Variants in BICC1 observed in about 807,000 individuals in gnomAD.
BICC1 encodes the protein BicC family RNA binding protein 1, also known as protein bicaudal C homolog 1.
A neutral mutation model predicts 111.0 loss-of-function variants in BICC1; 43 were observed. The ratio of observed to expected loss-of-function variants is 0.39; its 90% CI spans 0.30 to 0.50. BICC1 has a LOEUF of 0.50. BICC1 is among the 20% of genes least tolerant of loss of function. BICC1 has a pLI of 0.88. For synonymous variants in BICC1, 467 were observed against 434.4 expected, an observed-to-expected ratio of 1.07 and a Z score of -0.93; for missense variants, 1,091 against 1,203.2, an observed-to-expected ratio of 0.91 and a Z score of 1.38.
intron 4 of BICC1, among the ~76,000 whole-genome samples, chr10:58,785,465 A>G (rs1166043013): frequency 6.6e-6 from 1 of 152,128 alleles, no homozygotes; most frequent in Non-Finnish European, 1.5e-5. Flanking sequence ...TTATGATGTC[A>G]GTAGAATACC....
chr10:58,805,283 A>C (rs1843675111), intron 15 of BICC1, among the ~76,000 whole-genome samples: 1 of 150,890 alleles, frequency 6.6e-6, no homozygotes, highest in African/African-American at 2.4e-5. Context: ...ACAGAGCGAG[A>C]CTCTGTCTAA....
chr10:58,710,165 G>A (rs910198548), intron 3 of BICC1, among the ~76,000 whole-genome samples: 23 of 152,118 alleles, frequency 1.5e-4, no homozygotes, highest in African/African-American at 4.6e-4. Context: ...TTTCATTTTC[G>A]GATGAAGAAA....
intron 1 of BICC1, 90 bp downstream of exon 1, chr10:58,513,423 C>T: frequency 7.8e-7 from 1 of 1,276,418 alleles, no homozygotes; most frequent in South Asian, 1.6e-5. Flanking sequence ...CCCGCTACTC[C>T]AGCCTACGGC....
intron 1 of BICC1, among the ~76,000 whole-genome samples, chr10:58,572,620 A>T (rs1392699780): frequency 2.0e-5 from 3 of 152,162 alleles, no homozygotes; most frequent in Non-Finnish European, 4.4e-5. Context: ...CTCAAATAAA[A>T]TATGCATGAA....
chr10:58,790,376 A>G (rs934079744), intron 8 of BICC1, among the ~76,000 whole-genome samples: 1 of 152,290 alleles, frequency 6.6e-6, no homozygotes, highest in African/African-American at 2.4e-5. Flanking sequence ...ACATTTGTAC[A>G]TTTCATAAAT....
At chr10:58,789,209 T>G in intron 6 of BICC1, 53 bp from the exon 7 acceptor site, 4 of 1,452,104 alleles carry the variant, frequency 2.8e-6, no homozygotes, top group South Asian at 2.5e-5. Context: ...TACACATGTC[T>G]GAATGTCTAA....
chr10:58,700,020 T>A (rs1334911107), intron 2 of BICC1, among the ~76,000 whole-genome samples: 1 of 152,184 alleles, frequency 6.6e-6, no homozygotes, highest in East Asian at 1.9e-4. Flanking sequence ...TCTTTGAGAG[T>A]CTTAAGTAAC....
At chr10:58,784,697 AAT>A (rs1842963311) in intron 3 of BICC1, among the ~76,000 whole-genome samples, 1 of 152,132 alleles carries the variant, frequency 6.6e-6, no homozygotes, top group African/African-American at 2.4e-5. Flanking sequence ...TATAAAAAAA[AAT>A]TATATGATAT....
intron 3 of BICC1, among the ~76,000 whole-genome samples, chr10:58,762,871 G>A (rs540035364): frequency 6.6e-6 from 1 of 151,504 alleles, no homozygotes; most frequent in Non-Finnish European, 1.5e-5. Context: ...CAGGATTTAA[G>A]CAATTTCATC....
chr10:58,687,400 C>G (rs1839769748), intron 2 of BICC1, among the ~76,000 whole-genome samples: 1 of 152,232 alleles, frequency 6.6e-6, no homozygotes, highest in Non-Finnish European at 1.5e-5. Context: ...TCAAAGCTGT[C>G]AGACAGGGAC....
chr10:58,560,904 T>C (rs1621811), intron 1 of BICC1, among the ~76,000 whole-genome samples: 65,954 of 151,928 alleles, frequency 0.43, 16,105 homozygotes, highest in Admixed American at 0.62. Flanking sequence ...TCTATTGTGA[T>C]ATGATTTCAA....
intron 2 of BICC1, among the ~76,000 whole-genome samples, chr10:58,681,861 C>T (rs1213856155): frequency 7.1e-6 from 1 of 141,708 alleles, no homozygotes; most frequent in East Asian, 2.0e-4. Flanking sequence ...TTACAGCTCT[C>T]TCTTTCTTTT....
At chr10:58,797,133 G>A (rs1419649340) in intron 10 of BICC1, among the ~76,000 whole-genome samples, 2 of 152,192 alleles carry the variant, frequency 1.3e-5, no homozygotes, top group African/African-American at 2.4e-5. Flanking sequence ...TAGTCATGGT[G>A]ATATTTATGT....
intron 1 of BICC1, among the ~76,000 whole-genome samples, chr10:58,516,176 G>A (rs1348010523): frequency 1.3e-5 from 2 of 152,230 alleles, no homozygotes; most frequent in Admixed American, 6.5e-5. Context: ...ATAGGTACAG[G>A]TTTCCAATTT....
chr10:58,712,527 A>T (rs1840608700), intron 3 of BICC1, among the ~76,000 whole-genome samples: 2 of 152,224 alleles, frequency 1.3e-5, no homozygotes. Context: ...TGCTAAAAAG[A>T]TATGAGCTAT....
intron 1 of BICC1, among the ~76,000 whole-genome samples, chr10:58,568,818 A>T (rs1203498036): frequency 6.6e-6 from 1 of 152,180 alleles, no homozygotes; most frequent in Non-Finnish European, 1.5e-5. Context: ...TCACATCTGA[A>T]CACCTTTTGT....
chr10:58,709,991 A>G (rs1452450335), intron 3 of BICC1, among the ~76,000 whole-genome samples: 1 of 152,296 alleles, frequency 6.6e-6, no homozygotes, highest in East Asian at 1.9e-4. Flanking sequence ...GGTTGTGGTT[A>G]TTTTAATTAG....
chr10:58,809,263 T>G (rs1009640391), intron 17 of BICC1, among the ~76,000 whole-genome samples: 1 of 152,156 alleles, frequency 6.6e-6, no homozygotes. Flanking sequence ...CTCAAACTCC[T>G]GACCTCAAGT....
At chr10:58,601,293 T>C (rs1227089070) in intron 1 of BICC1, among the ~76,000 whole-genome samples, 2 of 151,248 alleles carry the variant, frequency 1.3e-5, no homozygotes, top group East Asian at 3.9e-4. Context: ...GAATAATAGT[T>C]ACAATCATGT....
Sources: gnomAD v4.1 joint callset for allele counts (sites outside exome capture counted in the v4.1 genomes callset) on GRCh38, gnomAD v4.1.1 for gene constraint, MANE v1.5 for transcripts, NCBI Gene and HGNC (gene_info 2026-07-23, HGNC 2026-07-21) for gene names.